Variants in RPS6KC1 observed in about 807,000 individuals in gnomAD.
The protein encoded by RPS6KC1 is inactive ribosomal protein S6 kinase delta-1.
In RPS6KC1, 54 loss-of-function variants were observed where a neutral mutation model predicts 103.8. The ratio of observed to expected loss-of-function variants is 0.52; its 90% CI spans 0.42 to 0.65. The LOEUF (loss-of-function observed/expected upper bound fraction) is 0.65. Ranked by LOEUF, RPS6KC1 falls within the 30% of genes least tolerant of loss-of-function variation. The pLI, the probability that RPS6KC1 is intolerant of heterozygous loss-of-function variation, is 0.00. For synonymous variants in RPS6KC1, 439 were observed against 438.7 expected (o/e 1.00, Z -0.01); for missense variants, 1,151 against 1,253.8 (o/e 0.92, Z 1.24).
At chr1:213,605,122 G>A in the RPS6KC1 span, among the ~76,000 whole-genome samples, 1 of 151,984 alleles carries the variant, frequency 6.6e-6, no homozygotes, top group South Asian at 2.1e-4. Flanking sequence ...TTAGCTTCTT[G>A]GTAGTTTTTT....
chr1:213,848,909 G>A, the RPS6KC1 span, among the ~76,000 whole-genome samples: 2 of 152,074 alleles, frequency 1.3e-5, no homozygotes, highest in Non-Finnish European at 2.9e-5. Flanking sequence ...AGGAATCCCG[G>A]GGCATTAAGA....
chr1:213,410,101 G>A, the RPS6KC1 span, among the ~76,000 whole-genome samples: 2 of 152,306 alleles, frequency 1.3e-5, no homozygotes, highest in East Asian at 3.9e-4. Context: ...GCTGCAGTGA[G>A]CTGTGGTCAT....
the RPS6KC1 span, among the ~76,000 whole-genome samples, chr1:213,409,636 C>T: frequency 9.0e-3 from 1,378 of 152,270 alleles, 17 homozygotes; most frequent in African/African-American, 0.03. Flanking sequence ...TTTGGGATCA[C>T]GTGCAAAGCA....
chr1:213,849,378 T>C, the RPS6KC1 span, among the ~76,000 whole-genome samples: 1 of 152,230 alleles, frequency 6.6e-6, no homozygotes, highest in South Asian at 2.1e-4. Context: ...TACTAGGGGA[T>C]GTAACTTTCA....
the RPS6KC1 span, among the ~76,000 whole-genome samples, chr1:213,828,731 GAC>G: frequency 6.6e-6 from 1 of 152,178 alleles, no homozygotes; most frequent in Non-Finnish European, 1.5e-5. Flanking sequence ...GAGAGATGAA[GAC>G]ACTTGCCCGA....
In RPS6KC1 at chr1:213,112,870, C is replaced by T. The variant is rs187094098; in HGVS notation, c.379-4447C>T. 3.2e-3 allele frequency among the ~76,000 whole-genome samples: 481 copies of T among 152,192 alleles called. 4 individuals are homozygous for T. Among genetic ancestry groups the T allele is most frequent in the African/African-American group, 0.011 (457 of 41,506 alleles). On this transcript the variant is annotated intron_variant, in intron 4 of 14. Transcript: ENST00000366960. ...GAGAATGATGATTTCCAGTTTCATC[C>T]GTGTCCCTACAAAGGACATGAACTC...
chr1:213,613,570 T>C, the RPS6KC1 span, among the ~76,000 whole-genome samples: 18 of 152,232 alleles, frequency 1.2e-4, no homozygotes, highest in African/African-American at 4.3e-4. Flanking sequence ...TAATTGGCAG[T>C]GTCCAGTCTT....
chr1:213,301,307 C>T, the RPS6KC1 span, among the ~76,000 whole-genome samples: 1 of 152,118 alleles, frequency 6.6e-6, no homozygotes, highest in Admixed American at 6.6e-5. Flanking sequence ...CCTAGGACTT[C>T]TAGCTGTTGA....
At chr1:213,363,759 CTTCTTTCTTTCTTTCTTTCT>C in the RPS6KC1 span, among the ~76,000 whole-genome samples, 3,197 of 56,602 alleles carry the variant, frequency 0.056, 376 homozygotes, top group Non-Finnish European at 0.073. Flanking sequence ...CTCTTTCTCT[CTTCTTTCTTTCTTTCTTTCT>C]TTCTTTCTTT....
chr1:213,553,038 A>G, the RPS6KC1 span, among the ~76,000 whole-genome samples: 1 of 151,602 alleles, frequency 6.6e-6, no homozygotes, highest in Admixed American at 6.6e-5. Context: ...TTCAAGGGGT[A>G]CATGTGCATG....
the RPS6KC1 span, among the ~76,000 whole-genome samples, chr1:213,775,106 C>T: frequency 1.3e-5 from 2 of 152,154 alleles, no homozygotes; most frequent in Admixed American, 6.5e-5. Context: ...GAGTCTTTAT[C>T]ACACACTCTC....
the RPS6KC1 span, among the ~76,000 whole-genome samples, chr1:213,602,028 C>CTTT: frequency 2.5e-4 from 3 of 11,876 alleles, 1 homozygote; most frequent in Non-Finnish European, 5.9e-4. Flanking sequence ...TTCTTTCTTT[C>CTTT]TCTTTCTCTT....
At chr1:213,798,252 C>A in the RPS6KC1 span, among the ~76,000 whole-genome samples, 2 of 152,220 alleles carry the variant, frequency 1.3e-5, no homozygotes, top group African/African-American at 4.8e-5. Context: ...GGTGACCAAA[C>A]GGCAGAGATT....
At chr1:213,613,526 TA>T in the RPS6KC1 span, among the ~76,000 whole-genome samples, 1 of 152,224 alleles carries the variant, frequency 6.6e-6, no homozygotes, top group Non-Finnish European at 1.5e-5. Flanking sequence ...GTCTACTTTA[TA>T]AAACACTATC....
At chr1:213,590,971 C>T in the RPS6KC1 span, among the ~76,000 whole-genome samples, 10 of 152,148 alleles carry the variant, frequency 6.6e-5, no homozygotes, top group African/African-American at 1.7e-4. Context: ...CCCCCACCAC[C>T]GCAGCTAGTC....
the RPS6KC1 span, among the ~76,000 whole-genome samples, chr1:213,685,099 C>A: frequency 6.6e-6 from 1 of 152,138 alleles, no homozygotes; most frequent in African/African-American, 2.4e-5. Flanking sequence ...GTCTGCCTAC[C>A]TGTTGCCCTG....
intron 8 of RPS6KC1, among the ~76,000 whole-genome samples, chr1:213,219,245 G>T (rs917653620): frequency 2.0e-5 from 3 of 152,252 alleles, no homozygotes; most frequent in African/African-American, 4.8e-5. Context: ...GCAGCCAACA[G>T]ACACATGAAA....
chr1:213,785,426 T>TAA, the RPS6KC1 span, among the ~76,000 whole-genome samples: 184 of 150,838 alleles, frequency 1.2e-3, no homozygotes, highest in Admixed American at 5.6e-3. Context: ...AAAATAAAAA[T>TAA]AAAAAAAAAC....
the RPS6KC1 span, among the ~76,000 whole-genome samples, chr1:213,320,240 C>G: frequency 6.6e-6 from 1 of 152,242 alleles, no homozygotes; most frequent in African/African-American, 2.4e-5. Context: ...ACTTGCAACT[C>G]TATTACCCAG....
Sources: allele counts gnomAD v4.1 joint callset (sites outside exome capture counted in the v4.1 genomes callset), GRCh38; gene constraint gnomAD v4.1.1; transcripts MANE v1.5; gene names NCBI Gene and HGNC (gene_info 2026-07-23, HGNC 2026-07-21).